ZFAT: variants seen among roughly 807,000 people sequenced by gnomAD.
The protein encoded by ZFAT is zinc finger protein ZFAT.
ZFAT carries 64 observed loss-of-function variants against 117.7 expected under a neutral mutation model. That is an observed-to-expected ratio of 0.54 (90% CI 0.44 to 0.67). ZFAT has a LOEUF of 0.67. ZFAT is among the 30% of genes least tolerant of loss of function. The pLI is 0.00. For missense variants in ZFAT, 1,433 were observed against 1,584.5 expected, an observed-to-expected ratio of 0.90 and a Z score of 1.62; for synonymous variants, 679 against 615.0, an observed-to-expected ratio of 1.10 and a Z score of -1.54.
At chr8:134,735,415 T>A in the ZFAT span, among the ~76,000 whole-genome samples, 1 of 152,184 alleles carries the variant, frequency 6.6e-6, no homozygotes, top group Non-Finnish European at 1.5e-5. Flanking sequence ...CTATAGCTGA[T>A]CCTATGTCCA....
intron 1 of ZFAT, among the ~76,000 whole-genome samples, chr8:134,667,382 A>T (rs1376689436): frequency 3.3e-5 from 5 of 151,642 alleles, no homozygotes; most frequent in Admixed American, 2.0e-4. Context: ...AGTCCCAGCT[A>T]CTTGGGAGGC....
chr8:134,652,365 A>C (rs1831296016), intron 2 of ZFAT, among the ~76,000 whole-genome samples: 1 of 150,852 alleles, frequency 6.6e-6, no homozygotes, highest in South Asian at 2.1e-4. Context: ...CTTTACAAAG[A>C]AATCTAAAGT....
At chr8:134,608,695 T>G (rs753977849) in intron 5 of ZFAT, 34 bp downstream of exon 5, 12 of 1,598,528 alleles carry the variant, frequency 7.5e-6, no homozygotes, top group Non-Finnish European at 1.0e-5. Context: ...ACATGCAACC[T>G]CTGGCTGAAG....
At chr8:134,810,756 A>C in the ZFAT span, among the ~76,000 whole-genome samples, 1 of 152,234 alleles carries the variant, frequency 6.6e-6, no homozygotes, top group Non-Finnish European at 1.5e-5. Context: ...TGGTACAAAA[A>C]CATTTGAAAA....
the ZFAT span, among the ~76,000 whole-genome samples, chr8:134,752,464 G>A: frequency 0.36 from 54,166 of 152,076 alleles, 9,824 homozygotes; most frequent in South Asian, 0.4. Flanking sequence ...ATATTTACAA[G>A]GCTGTCATGA....
chr8:134,597,217 T>C (rs1237180521), intron 7 of ZFAT, among the ~76,000 whole-genome samples: 1 of 152,110 alleles, frequency 6.6e-6, no homozygotes, highest in East Asian at 1.9e-4. Flanking sequence ...GCGTCAACAT[T>C]TTCTTGGTAC....
chr8:134,720,343 G>A, the ZFAT span, among the ~76,000 whole-genome samples: 1 of 152,214 alleles, frequency 6.6e-6, no homozygotes, highest in Non-Finnish European at 1.5e-5. Flanking sequence ...ACTTAGTATT[G>A]TGGGAAGCTA....
At chr8:134,584,717 G>A (rs1041878202) in intron 9 of ZFAT, among the ~76,000 whole-genome samples, 1 of 152,060 alleles carries the variant, frequency 6.6e-6, no homozygotes, top group Non-Finnish European at 1.5e-5. Flanking sequence ...TCACTGTCCG[G>A]TGGGAGATGC....
chr8:134,669,456 T>C (rs1158735552), intron 1 of ZFAT, among the ~76,000 whole-genome samples: 1 of 152,182 alleles, frequency 6.6e-6, no homozygotes, highest in Non-Finnish European at 1.5e-5. Flanking sequence ...TTCAACATTC[T>C]TGAAGAAAAG....
the ZFAT span, among the ~76,000 whole-genome samples, chr8:134,744,727 CT>C: frequency 5.1e-4 from 53 of 103,520 alleles, no homozygotes; most frequent in East Asian, 1.8e-3. Flanking sequence ...GCCTACTCTC[CT>C]TTTTTTTTTT....
At chr8:134,744,798 C>T in the ZFAT span, among the ~76,000 whole-genome samples, 11 of 130,324 alleles carry the variant, frequency 8.4e-5, no homozygotes, top group Admixed American at 2.6e-4. Context: ...GGCCTGATCT[C>T]GGCTCACTGC....
the ZFAT span, among the ~76,000 whole-genome samples, chr8:134,749,685 A>G: frequency 2.0e-5 from 3 of 152,172 alleles, no homozygotes; most frequent in Non-Finnish European, 2.9e-5. Context: ...ATAAAATCTC[A>G]ATGTTTCCAA....
At chr8:134,588,171 C>T in intron 9 of ZFAT, 75 bp downstream of exon 9, 4 of 1,477,354 alleles carry the variant, frequency 2.7e-6, no homozygotes, top group Non-Finnish European at 3.6e-6. Context: ...ACGGCTTCCT[C>T]TTAATGTACT....
the ZFAT span, among the ~76,000 whole-genome samples, chr8:134,728,840 TACATA>T: frequency 2.6e-5 from 4 of 152,220 alleles, no homozygotes; most frequent in African/African-American, 9.7e-5. Flanking sequence ...AATTATGCAT[TACATA>T]ACATATCTCT....
the ZFAT span, among the ~76,000 whole-genome samples, chr8:134,744,559 G>A: frequency 2.0e-5 from 3 of 151,932 alleles, no homozygotes; most frequent in African/African-American, 7.3e-5. Flanking sequence ...GCCTCCCAAA[G>A]TGCTGGGATT....
the ZFAT span, among the ~76,000 whole-genome samples, chr8:134,737,659 G>A: frequency 1.3e-5 from 2 of 152,322 alleles, no homozygotes; most frequent in Admixed American, 1.3e-4. Context: ...GTTGCAGTGG[G>A]GAGTACCCTG....
At chr8:134,665,897 C>T (rs762942752) in intron 1 of ZFAT, among the ~76,000 whole-genome samples, 16 of 152,136 alleles carry the variant, frequency 1.1e-4, no homozygotes, top group South Asian at 6.2e-4. Flanking sequence ...CACAGAAGGA[C>T]GGCAGAGGAG....
intron 11 of ZFAT, among the ~76,000 whole-genome samples, chr8:134,563,046 C>T (rs1247489570): frequency 6.6e-6 from 1 of 152,180 alleles, no homozygotes; most frequent in East Asian, 1.9e-4. Flanking sequence ...TGCCTTAGCT[C>T]TCTATTCTCT....
chr8:134,504,189 C>T (rs947388252), intron 15 of ZFAT, among the ~76,000 whole-genome samples: 4 of 152,084 alleles, frequency 2.6e-5, no homozygotes, highest in South Asian at 2.1e-4. Context: ...GTACAATGAA[C>T]GAATGACCCA....
Sources: gnomAD v4.1 joint callset for allele counts (sites outside exome capture counted in the v4.1 genomes callset) on GRCh38, gnomAD v4.1.1 for gene constraint, MANE v1.5 for transcripts, NCBI Gene and HGNC (gene_info 2026-07-23, HGNC 2026-07-21) for gene names.